EEFSEC: variants seen among roughly 807,000 people sequenced by gnomAD.
EEFSEC encodes eukaryotic elongation factor, selenocysteine-tRNA specific.
Under a neutral mutation model 42.1 loss-of-function variants are expected in EEFSEC, and 43 were observed. The ratio of observed to expected loss-of-function variants is 1.02; its 90% CI spans 0.80 to 1.32. EEFSEC has a LOEUF of 1.32. Ranked by LOEUF, EEFSEC falls within the 40% of genes most tolerant of loss-of-function variation. The pLI, the probability that EEFSEC is intolerant of heterozygous loss-of-function variation, is 0.00. For missense variants in EEFSEC, 745 were observed against 803.6 expected (o/e 0.93, Z 0.88); for synonymous variants, 354 against 339.1 (o/e 1.04, Z -0.48).
intron 1 of EEFSEC, among the ~76,000 whole-genome samples, chr3:128,198,144 A>AG (rs540536442): frequency 1.2e-4 from 18 of 152,132 alleles, no homozygotes; most frequent in Admixed American, 3.3e-4. Context: ...AGGGTAGGCA[A>AG]GGGGGGGATG....
intron 1 of EEFSEC, among the ~76,000 whole-genome samples, chr3:128,187,716 A>G (rs2065479204): frequency 6.6e-6 from 1 of 152,222 alleles, no homozygotes; most frequent in Admixed American, 6.5e-5. Context: ...TGTACTGAAT[A>G]TGAGATAGGT....
chr3:128,399,390 G>A (rs1053773042), intron 6 of EEFSEC, among the ~76,000 whole-genome samples: 5 of 152,232 alleles, frequency 3.3e-5, no homozygotes, highest in African/African-American at 1.2e-4. Flanking sequence ...TCGAGTGCGC[G>A]CTTGAGAGCC....
At chr3:128,324,261 A>G (rs774507123) in intron 4 of EEFSEC, among the ~76,000 whole-genome samples, 4 of 149,220 alleles carry the variant, frequency 2.7e-5, no homozygotes, top group Non-Finnish European at 5.9e-5. Context: ...CTATTATGAC[A>G]TAGAATGCAA....
At chr3:128,229,376 C>T (rs1052688847) in intron 1 of EEFSEC, among the ~76,000 whole-genome samples, 21 of 152,206 alleles carry the variant, frequency 1.4e-4, no homozygotes, top group Non-Finnish European at 5.9e-5. Flanking sequence ...CGTCTGCTCT[C>T]ATTTGGACCC....
chr3:128,282,430 T>C (rs752768483), intron 4 of EEFSEC, among the ~76,000 whole-genome samples: 35 of 152,256 alleles, frequency 2.3e-4, no homozygotes, highest in Non-Finnish European at 4.6e-4. Flanking sequence ...TTTAAAAATA[T>C]GCTGCTTGCC....
In EEFSEC at chr3:128,234,001, C is replaced by T. The variant is rs137998584; in HGVS notation, c.317-12835C>T. 2.2e-3 allele frequency among the ~76,000 whole-genome samples: 340 copies of T among 151,850 alleles called. 3 individuals are homozygous for T. The highest frequency in any genetic ancestry group is 7.8e-3 in the African/African-American group (322 of 41,448). ...TGTTCATTCTCTTTCTTCCTTTCCC[C>T]GATTCCCTGACCTGTAGTCATCTTT... On this transcript the variant is annotated intron_variant, in intron 1 of 6. Transcript: ENST00000254730.
chr3:128,311,900 C>T (rs1437278558), intron 4 of EEFSEC, among the ~76,000 whole-genome samples: 2 of 152,204 alleles, frequency 1.3e-5, no homozygotes, highest in Admixed American at 6.5e-5. Flanking sequence ...TTGAGCTCTG[C>T]TCCTTATCAT....
At chr3:128,362,943 A>C (rs1385653772) in intron 6 of EEFSEC, among the ~76,000 whole-genome samples, 1 of 152,228 alleles carries the variant, frequency 6.6e-6, no homozygotes, top group Non-Finnish European at 1.5e-5. Flanking sequence ...CCTTTTGATT[A>C]TTACTAATCA....
At chr3:128,359,534 C>T (rs1258175055) in intron 6 of EEFSEC, among the ~76,000 whole-genome samples, 1 of 152,184 alleles carries the variant, frequency 6.6e-6, no homozygotes, top group African/African-American at 2.4e-5. Flanking sequence ...TGTGTGCCAC[C>T]ACCCCCAGCT....
At chr3:128,399,945 C>A (rs560771118) in intron 6 of EEFSEC, among the ~76,000 whole-genome samples, 1 of 152,316 alleles carries the variant, frequency 6.6e-6, no homozygotes, top group Non-Finnish European at 1.5e-5. Flanking sequence ...GAAGCCAGGG[C>A]AAGTCATTGC....
chr3:128,318,720 C>T (rs1383682148), intron 4 of EEFSEC, among the ~76,000 whole-genome samples: 1 of 152,164 alleles, frequency 6.6e-6, no homozygotes, highest in Non-Finnish European at 1.5e-5. Flanking sequence ...GCAAGCCATT[C>T]TGGTCTTGCC....
intron 4 of EEFSEC, among the ~76,000 whole-genome samples, chr3:128,285,515 C>G (rs1042576896): frequency 6.6e-6 from 1 of 152,142 alleles, no homozygotes; most frequent in African/African-American, 2.4e-5. Context: ...AGGGCCAGGG[C>G]TGGAGCACTG....
chr3:128,363,938 A>C (rs1465931979), intron 6 of EEFSEC, among the ~76,000 whole-genome samples: 2 of 152,138 alleles, frequency 1.3e-5, no homozygotes, highest in South Asian at 2.1e-4. Flanking sequence ...CACCAACCTC[A>C]TCAGACTCCC....
the EEFSEC span, among the ~76,000 whole-genome samples, chr3:128,418,370 T>C: frequency 6.7e-6 from 1 of 149,466 alleles, no homozygotes; most frequent in Non-Finnish European, 1.5e-5. Context: ...GTGCCTCCTC[T>C]GTGCTCCCAA....
At chr3:128,170,987 G>A (rs1454415796) in intron 1 of EEFSEC, among the ~76,000 whole-genome samples, 1 of 152,184 alleles carries the variant, frequency 6.6e-6, no homozygotes, top group Non-Finnish European at 1.5e-5. Context: ...CAAGCACTCT[G>A]GTAACAGATG....
chr3:128,253,689 C>T (rs959695423), intron 2 of EEFSEC, among the ~76,000 whole-genome samples: 2 of 152,126 alleles, frequency 1.3e-5, no homozygotes, highest in African/African-American at 4.8e-5. Flanking sequence ...ATTTTTCCCT[C>T]CCTCGTTCCC....
chr3:128,353,973 G>A (rs1463885284), intron 5 of EEFSEC, among the ~76,000 whole-genome samples: 2 of 152,152 alleles, frequency 1.3e-5, no homozygotes, highest in Non-Finnish European at 2.9e-5. Context: ...GGAGGGAGAT[G>A]GGATTTACCT....
chr3:128,220,339 G>A lies in EEFSEC; in HGVS notation c.317-26497G>A, dbSNP rs556265950. 2.0e-5 allele frequency among the ~76,000 whole-genome samples: 3 copies of A among 152,294 alleles called. No individual in the cohort carries two copies. The East Asian group carries it at 5.8e-4, about 29-fold the overall frequency. On this transcript the variant is annotated intron_variant, in intron 1 of 6. Coordinates refer to ENST00000254730, the MANE Select transcript of EEFSEC (RefSeq NM_021937.5). ...ATCTCAATTACTCCCACTCTTGAGT[G>A]CTCCGTCATGGTGTTTATGTGGCTG... is the stretch of plus-strand genomic sequence containing the variant.
chr3:128,344,281 C>T (rs750628326), intron 5 of EEFSEC, among the ~76,000 whole-genome samples: 1 of 152,244 alleles, frequency 6.6e-6, no homozygotes, highest in Non-Finnish European at 1.5e-5. Flanking sequence ...CCTTTACTAG[C>T]TACATACTTT....
Sources: allele counts gnomAD v4.1 joint callset (sites outside exome capture counted in the v4.1 genomes callset), GRCh38; gene constraint gnomAD v4.1.1; transcripts MANE v1.5; gene names NCBI Gene and HGNC (gene_info 2026-07-23, HGNC 2026-07-21).